MYO3B: variants seen among roughly 807,000 people sequenced by gnomAD.
MYO3B encodes myosin IIIB, also known as myosin-IIIb.
MYO3B carries 156 observed loss-of-function variants against 174.6 expected under a neutral mutation model. The ratio of observed to expected loss-of-function variants is 0.89; its 90% CI spans 0.78 to 1.02. MYO3B has a LOEUF of 1.02. Among genes scored for constraint, MYO3B ranks in the 50% least tolerant of loss-of-function variants. The probability of loss-of-function intolerance (pLI) is 0.00; values close to 1 mark genes in which losing one functional copy is unlikely to be tolerated. For synonymous variants in MYO3B, 563 were observed against 569.1 expected, an observed-to-expected ratio of 0.99 and a Z score of 0.15; for missense variants, 1,632 against 1,639.4, an observed-to-expected ratio of 1.00 and a Z score of 0.08.
chr2:170,265,827 A>G (rs2093379109), intron 7 of MYO3B, among the ~76,000 whole-genome samples: 1 of 152,200 alleles, frequency 6.6e-6, no homozygotes, highest in Non-Finnish European at 1.5e-5. Flanking sequence ...ACCATTTACA[A>G]AAGCACAGAG....
chr2:170,215,220 A>C (rs1010418955), intron 5 of MYO3B, among the ~76,000 whole-genome samples: 1 of 152,248 alleles, frequency 6.6e-6, no homozygotes, highest in African/African-American at 2.4e-5. Flanking sequence ...AGCCTTAGGC[A>C]TACTTATTCC....
At chr2:170,339,872 A>G (rs954626924) in intron 8 of MYO3B, among the ~76,000 whole-genome samples, 2 of 152,162 alleles carry the variant, frequency 1.3e-5, no homozygotes, top group South Asian at 4.1e-4. Context: ...TTTCATCCAT[A>G]TGCTAGGACC....
chr2:170,181,531 T>C (rs1462436896), intron 1 of MYO3B, among the ~76,000 whole-genome samples: 1 of 152,126 alleles, frequency 6.6e-6, no homozygotes, highest in Admixed American at 6.5e-5. Flanking sequence ...AGCATTCGGT[T>C]TTTCACCATT....
At chr2:170,292,711 G>A (rs1007300997) in intron 7 of MYO3B, among the ~76,000 whole-genome samples, 5 of 152,134 alleles carry the variant, frequency 3.3e-5, no homozygotes, top group Non-Finnish European at 5.9e-5. Flanking sequence ...TCCAACCAGT[G>A]TGGGAAGGCT....
At chr2:170,428,222 T>C (rs1416638845) in intron 22 of MYO3B, among the ~76,000 whole-genome samples, 2 of 152,190 alleles carry the variant, frequency 1.3e-5, no homozygotes, top group Admixed American at 1.3e-4. Flanking sequence ...AAGAGAACAT[T>C]GGCAAATTAA....
At chr2:170,607,100 A>G (rs1223910264) in intron 32 of MYO3B, among the ~76,000 whole-genome samples, 2 of 152,226 alleles carry the variant, frequency 1.3e-5, no homozygotes, top group African/African-American at 2.4e-5. Flanking sequence ...ATCATCTGGG[A>G]GGAAAAGCAT....
chr2:170,627,380 T>C (rs1221564285), intron 32 of MYO3B, among the ~76,000 whole-genome samples: 1 of 152,176 alleles, frequency 6.6e-6, no homozygotes, highest in African/African-American at 2.4e-5. Flanking sequence ...CGTAGTTCTC[T>C]TGCCATGGTT....
At chr2:170,304,468 C>CT (rs34449441) in intron 7 of MYO3B, among the ~76,000 whole-genome samples, 7,708 of 131,688 alleles carry the variant, frequency 0.059, 237 homozygotes, top group African/African-American at 0.067. Flanking sequence ...TTTTCTTTTT[C>CT]TTTTTTTTTT....
At chr2:170,540,739 A>G (rs2106198496) in intron 30 of MYO3B, among the ~76,000 whole-genome samples, 1 of 152,330 alleles carries the variant, frequency 6.6e-6, no homozygotes, top group East Asian at 1.9e-4. Context: ...ATTTTTTAAG[A>G]AAACTGACTT....
intron 7 of MYO3B, among the ~76,000 whole-genome samples, chr2:170,253,823 G>GA (rs906409302): frequency 4.4e-5 from 6 of 137,258 alleles, no homozygotes; most frequent in African/African-American, 1.6e-4. Context: ...TGAAGACTGA[G>GA]ATTTCACCAC....
intron 1 of MYO3B, 53 bp downstream of exon 1, chr2:170,178,342 T>C (rs767597927): frequency 3.1e-6 from 5 of 1,613,550 alleles, no homozygotes; most frequent in South Asian, 1.1e-5. Flanking sequence ...CTTTAGATTG[T>C]TTTTCTGCAA....
chr2:170,565,956 T>C (rs1317890932), intron 32 of MYO3B, among the ~76,000 whole-genome samples: 1 of 152,188 alleles, frequency 6.6e-6, no homozygotes, highest in Non-Finnish European at 1.5e-5. Flanking sequence ...TGCTTTAAAG[T>C]CTTTTCTCCT....
chr2:170,485,340 A>G (rs932087325), intron 25 of MYO3B, among the ~76,000 whole-genome samples: 2 of 150,576 alleles, frequency 1.3e-5, no homozygotes, highest in African/African-American at 4.9e-5. Flanking sequence ...CATCTGCCCA[A>G]TGATGCCCCC....
At chr2:170,560,084 C>T (rs1205725766) in intron 32 of MYO3B, among the ~76,000 whole-genome samples, 6 of 152,216 alleles carry the variant, frequency 3.9e-5, no homozygotes, top group Non-Finnish European at 1.5e-5. Flanking sequence ...CTATTTCTTA[C>T]TCTTCCATTG....
intron 30 of MYO3B, among the ~76,000 whole-genome samples, chr2:170,524,963 A>G (rs1688911819): frequency 6.6e-6 from 1 of 152,164 alleles, no homozygotes; most frequent in African/African-American, 2.4e-5. Flanking sequence ...TAACTGGTAC[A>G]TTCTACTGCC....
At chr2:170,603,240 C>G (rs1025559300) in intron 32 of MYO3B, among the ~76,000 whole-genome samples, 10 of 152,082 alleles carry the variant, frequency 6.6e-5, no homozygotes, top group African/African-American at 1.7e-4. Context: ...TCCACGCCCC[C>G]CCAACCCCAT....
chr2:170,513,646 C>T (rs747605329), intron 28 of MYO3B, among the ~76,000 whole-genome samples: 1 of 152,222 alleles, frequency 6.6e-6, no homozygotes, highest in Non-Finnish European at 1.5e-5. Context: ...AACTGACACA[C>T]CCCCTTAAAA....
chr2:170,647,239 T>C (rs1698458246), intron 32 of MYO3B, among the ~76,000 whole-genome samples: 1 of 152,170 alleles, frequency 6.6e-6, no homozygotes, highest in Non-Finnish European at 1.5e-5. Flanking sequence ...CAGCACTAGC[T>C]TAAACGGCTT....
At chr2:170,601,245 A>G (rs1378403430) in intron 32 of MYO3B, among the ~76,000 whole-genome samples, 1 of 152,228 alleles carries the variant, frequency 6.6e-6, no homozygotes, top group Non-Finnish European at 1.5e-5. Flanking sequence ...AGTGGTATTC[A>G]GTTAACAGAA....
Sources: allele counts gnomAD v4.1 joint callset (sites outside exome capture counted in the v4.1 genomes callset), GRCh38; gene constraint gnomAD v4.1.1; transcripts MANE v1.5; gene names NCBI Gene and HGNC (gene_info 2026-07-23, HGNC 2026-07-21).